Variants in GPATCH2L observed in about 807,000 individuals in gnomAD.
GPATCH2L encodes the protein G patch domain-containing protein 2-like.
In GPATCH2L, 31 loss-of-function variants were observed where a neutral mutation model predicts 57.4. The observed-to-expected ratio is 0.54, with a 90% CI of 0.41 to 0.73. The LOEUF (loss-of-function observed/expected upper bound fraction) is 0.73. Ranked by LOEUF, GPATCH2L falls within the 30% of genes least tolerant of loss-of-function variation. The pLI is 0.00. For missense variants in GPATCH2L, 481 were observed against 599.9 expected (o/e 0.80, Z 2.07); for synonymous variants, 199 against 210.7 (o/e 0.94, Z 0.48).
intron 6 of GPATCH2L, among the ~76,000 whole-genome samples, chr14:76,177,210 T>C (rs544263817): frequency 9.9e-5 from 15 of 152,200 alleles, no homozygotes; most frequent in African/African-American, 3.6e-4. Flanking sequence ...TGCGCCTGTC[T>C]AATTTTTGTA....
chr14:76,171,702 G>A, intron 3 of GPATCH2L, 141 bp from the exon 4 acceptor site: 1 of 561,924 alleles, frequency 1.8e-6, no homozygotes, highest in Non-Finnish European at 3.1e-6. Flanking sequence ...CAGCCTGGGT[G>A]ACAGAGCAAG....
intron 8 of GPATCH2L, among the ~76,000 whole-genome samples, chr14:76,187,896 C>G (rs541974438): frequency 2.4e-4 from 37 of 152,262 alleles, no homozygotes; most frequent in African/African-American, 7.9e-4. Flanking sequence ...TGGTAACCCT[C>G]CTTCTACTCT....
chr14:76,201,848 C>G lies in GPATCH2L; in HGVS notation c.1446C>G (p.Ser482Arg). The change falls in exon 10 of 10, where the codon AGC becomes AGG. Residue 482 changes from serine to arginine, a missense_variant. By Grantham distance (110) the Ser-to-Arg change is moderately radical. Transcript: ENST00000261530. ...CACAAGAAAAGAGCCCTGGATACAG[C>G]TAGAGAGCAGGACTTCACCCTCCAG... is the stretch of plus-strand genomic sequence containing the variant. ...KMPQEKSPGY[S>R] The G allele has an allele frequency of 1.2e-6, 2 of 1,613,104 alleles. No homozygotes were observed. The highest frequency in any genetic ancestry group is 1.7e-6 in the Non-Finnish European group (2 of 1,179,514).
exon 2 of GPATCH2L, chr14:76,229,865 GAGA>G (rs1329890712): frequency 6.6e-6 from 1 of 152,212 alleles, no homozygotes. Flanking sequence ...GTATTCCAGC[GAGA>G]GTGCCCTGAC....
At position 76,207,439 on chromosome 14, in the gene GPATCH2L, A is replaced by G. The variant is rs902385951; in HGVS notation, c.*5588A>G. 1 of 152,200 alleles carries G rather than the reference A, an allele frequency of 6.6e-6. No homozygotes were observed. The highest frequency in any genetic ancestry group is 1.5e-5 in the Non-Finnish European group (1 of 68,038). 9.4% of individuals were successfully genotyped at this position (152,200 alleles called of 1,614,324 possible). ...TTTGTGTAAGGTATGAGTTTACCAT[A>G]TTTGTTCATTAGATCTTAGTTTCAA... On this transcript the variant is annotated 3_prime_UTR_variant, in exon 10 of 10. Coordinates refer to ENST00000261530, the MANE Select transcript of GPATCH2L (RefSeq NM_017926.4).
At chr14:76,175,028 G>T (rs1463850224) in intron 5 of GPATCH2L, 1 of 152,214 alleles carries the variant, frequency 6.6e-6, no homozygotes, top group Non-Finnish European at 1.5e-5. Context: ...TGCTTTTTCT[G>T]TTTTGGGAGC....
rs1265681049 is a variant in GPATCH2L, at chr14:76,187,349, A to G, written c.1193+6500A>G. Among the ~76,000 whole-genome samples the G allele has an allele frequency of 7.2e-5, 11 of 152,074 alleles. 1 individual carries two copies. Among genetic ancestry groups the G allele is most frequent in the Non-Finnish European group, 1.6e-4 (11 of 67,988 alleles). Reference sequence around the variant, plus strand: ...CTGGGGACAGGACCTCAGCTCAGTCATCTTTTATCTCCCTCTGCACATCCA... The same window carrying G: ...CTGGGGACAGGACCTCAGCTCAGTCGTCTTTTATCTCCCTCTGCACATCCA... On this transcript the variant is annotated intron_variant, in intron 8 of 9. Coordinates refer to ENST00000261530, the MANE Select transcript of GPATCH2L (RefSeq NM_017926.4).
Position 76,154,632 on chromosome 14 carries a change from A to G in GPATCH2L, c.269A>G (p.Asp90Gly). The G allele has an allele frequency of 6.2e-7, 1 of 1,614,266 alleles. No homozygotes were observed. The highest frequency in any genetic ancestry group is 8.5e-7 in the Non-Finnish European group (1 of 1,180,042). Residue 90 changes from aspartate (D) to glycine (G), a missense_variant, in exon 2 of 10, where the codon GAC becomes GGC. This residue lies in a region of GPATCH2L where 208 missense variants were observed against 272.4 expected (regional missense o/e 0.76). Coordinates refer to ENST00000261530, the MANE Select transcript of GPATCH2L (RefSeq NM_017926.4). The surrounding 1 kb of genome is among the most constrained non-coding windows in gnomAD (Gnocchi z 4.4). ...GTGACCAATTTTAGTGACTCTGATG[A>G]CACAATGGTAGCCAAACGACACCCA... ...APVTNFSDSD[D>G]TMVAKRHPAL... is the part of the protein sequence containing the mutation.
chr14:76,160,123 G>A (rs959437207), intron 2 of GPATCH2L, among the ~76,000 whole-genome samples: 2 of 152,108 alleles, frequency 1.3e-5, no homozygotes, highest in South Asian at 2.1e-4. Flanking sequence ...GAGCCTGGGC[G>A]ACAGAGCGAG....
intron 8 of GPATCH2L, among the ~76,000 whole-genome samples, chr14:76,185,164 G>C (rs2039718892): frequency 6.6e-6 from 1 of 152,210 alleles, no homozygotes; most frequent in Non-Finnish European, 1.5e-5. Context: ...TATATGGATA[G>C]TTGGATTGTT....
Position 76,154,798 on chromosome 14 carries a change from G to A in GPATCH2L, c.435G>A (p.Gln145=). The change falls in exon 2 of 10, where the codon CAG becomes CAA. Residue 145 remains glutamine (Q), a synonymous_variant. Coordinates refer to ENST00000261530, the MANE Select transcript of GPATCH2L (RefSeq NM_017926.4). The surrounding 1 kb of genome is among the most constrained non-coding windows in gnomAD (Gnocchi z 4.4). ...CAGAGGTGGCTGCTAGCCTTCAGCA[G>A]AAGCTGAAGGTGTCAGATTGGAGCT... ...VTSEVAASLQ[Q]KLKVSDWSYE... is the part of the protein sequence containing the mutation. The A allele has an allele frequency of 6.2e-7, 1 of 1,613,516 alleles. No homozygotes were observed. Among genetic ancestry groups the A allele is most frequent in the Non-Finnish European group, 8.5e-7 (1 of 1,179,362 alleles).
At chr14:76,173,958 C>G (rs1408549196) in intron 5 of GPATCH2L, 2 of 354,910 alleles carry the variant, frequency 5.6e-6, no homozygotes, top group Admixed American at 9.3e-5. Context: ...ATACTCTTGG[C>G]TTCTTTATGA....
At chr14:76,174,726 C>T (rs1187456469) in intron 5 of GPATCH2L, 1 of 151,624 alleles carries the variant, frequency 6.6e-6, no homozygotes, top group Non-Finnish European at 1.5e-5. Flanking sequence ...TTCCTGCCTT[C>T]CAGGTTCAAG....
downstream of GPATCH2L, among the ~76,000 whole-genome samples, chr14:76,218,613 A>C (rs2040499221): frequency 6.6e-6 from 1 of 152,076 alleles, no homozygotes; most frequent in Non-Finnish European, 1.5e-5. Flanking sequence ...ATGTAATGTG[A>C]TCTTCAATAA....
At position 76,211,351 on chromosome 14, in the gene GPATCH2L, C is replaced by A. The variant is rs2040438749; in HGVS notation, c.*9500C>A. 1 of 152,224 alleles carries A rather than the reference C, an allele frequency of 6.6e-6. No homozygotes were observed. Among genetic ancestry groups the A allele is most frequent in the South Asian group, 2.1e-4 (1 of 4,832 alleles). 9.4% of individuals were successfully genotyped at this position (152,224 alleles called of 1,614,324 possible). Reference sequence around the variant, plus strand: ...GCCCATTGTGCATACAAAGCTGGAACTGAGATGTGAACAGATTTGCATTGC... The same window carrying A: ...GCCCATTGTGCATACAAAGCTGGAAATGAGATGTGAACAGATTTGCATTGC... On this transcript the variant is annotated 3_prime_UTR_variant, in exon 10 of 10. Transcript: ENST00000261530.
intron 2 of GPATCH2L, among the ~76,000 whole-genome samples, chr14:76,231,974 C>CTCACTGCAGCCTCACTGCAGG (rs2040567291): frequency 2.0e-5 from 2 of 99,930 alleles, no homozygotes; most frequent in Admixed American, 1.1e-4. Context: ...CTCACTGCAG[C>CTCACTGCAGCCTCACTGCAGG]CTCACTGCAG....
intron 2 of GPATCH2L, among the ~76,000 whole-genome samples, chr14:76,230,650 C>G (rs1186989122): frequency 1.3e-5 from 2 of 152,152 alleles, no homozygotes; most frequent in African/African-American, 4.8e-5. Context: ...GTTATAAGAG[C>G]ACCAATCCTC....
chr14:76,164,576 C>T (rs913232000), intron 2 of GPATCH2L, among the ~76,000 whole-genome samples: 5 of 151,998 alleles, frequency 3.3e-5, no homozygotes, highest in African/African-American at 1.2e-4. Flanking sequence ...GAACATAATA[C>T]AACCAAAACA....
At chr14:76,192,717 A>G (rs2040018887) in intron 8 of GPATCH2L, among the ~76,000 whole-genome samples, 2 of 152,168 alleles carry the variant, frequency 1.3e-5, no homozygotes, top group African/African-American at 4.8e-5. Flanking sequence ...TTAGTGAACA[A>G]TGAAAGAAGC....
Sources: allele counts gnomAD v4.1 joint callset (sites outside exome capture counted in the v4.1 genomes callset), GRCh38; gene constraint gnomAD v4.1.1; regional missense constraint gnomAD v4.1.1; non-coding constraint Gnocchi (gnomAD v3.1); transcripts MANE v1.5; gene names NCBI Gene and HGNC (gene_info 2026-07-23, HGNC 2026-07-21).